The following ZFP90 variants were observed in gnomAD, a reference collection of about 807,000 sequenced individuals.
ZFP90 encodes ZFP90 zinc finger protein, also known as zinc finger protein 90 homolog.
In ZFP90, 38 loss-of-function variants were observed where a neutral mutation model predicts 60.8. The ratio of observed to expected loss-of-function variants is 0.62; its 90% confidence interval spans 0.48 to 0.82. The LOEUF is 0.82. Among genes scored for constraint, ZFP90 ranks in the 40% least tolerant of loss-of-function variants. ZFP90 has a pLI of 0.00. For missense variants in ZFP90, 711 were observed against 759.1 expected (o/e 0.94, Z 0.74); for synonymous variants, 287 against 264.8 (o/e 1.08, Z -0.82).
At chr16:68,559,918 C>G (rs28709879) in intron 4 of ZFP90, among the ~76,000 whole-genome samples, 6,369 of 151,716 alleles carry the variant, frequency 0.042, 419 homozygotes, top group African/African-American at 0.14. Flanking sequence ...ACCCAGGGTG[C>G]AGTGCAGTGT....
rs2091537221 is a variant in ZFP90, at chr16:68,566,926, A to G, written c.*2228A>G. The G allele has an allele frequency of 1.0e-6, 1 of 985,634 alleles. No homozygotes were observed. Among genetic ancestry groups the G allele is most frequent in the African/African-American group, 1.7e-5 (1 of 57,370 alleles). 61.1% of individuals were successfully genotyped at this position (985,634 alleles called of 1,614,324 possible). A position where few individuals can be genotyped will look rare whatever the true frequency, so the allele number is the denominator to read the frequency against. On this transcript the variant is annotated 3_prime_UTR_variant, in exon 5 of 5. Coordinates refer to ENST00000563169, the MANE Select transcript of ZFP90 (RefSeq NM_001305203.2). The stretch of plus-strand genomic sequence containing the variant: ...CTGGTTTGTGTTTGGTGCTTGGCCT[A>G]GATCCAGCCACCACTCTGAAACTCA...
At chr16:68,573,445 C>G (rs1378325708) in intron 2 of ZFP90, among the ~76,000 whole-genome samples, 1 of 152,058 alleles carries the variant, frequency 6.6e-6, no homozygotes, top group African/African-American at 2.4e-5. Flanking sequence ...GCCATTGCAC[C>G]CCAGCCTGGG....
rs145968557 is a variant in ZFP90, at chr16:68,554,294, G to A, written c.34-3704G>A. ...CCGTCACCACGCCTGGCTAATTTTT[G>A]TATTTTTAGTAGAGACGGTTTCATT... is the stretch of plus-strand genomic sequence containing the variant. On this transcript the variant is annotated intron_variant, in intron 2 of 4. Transcript: ENST00000563169. Among the ~76,000 whole-genome samples, 802 of 151,908 alleles carry A rather than the reference G, an allele frequency of 5.3e-3. 3 individuals carry two copies. The highest frequency in any genetic ancestry group is 0.018 in the African/African-American group (731 of 41,458).
At chr16:68,539,611 G>T (rs999022780) in intron 1 of ZFP90, 132 bp downstream of exon 1, 8 of 613,060 alleles carry the variant, frequency 1.3e-5, no homozygotes, top group Non-Finnish European at 1.9e-5. Context: ...TCATTTCGGG[G>T]ATGGGGAGCG....
In ZFP90 at chr16:68,564,048, C is replaced by G. The variant is rs978415362; in HGVS notation, c.1261C>G (p.Pro421Ala). 3 of 1,614,078 alleles carry G rather than the reference C, an allele frequency of 1.9e-6. No homozygotes were observed. The highest frequency in any genetic ancestry group is 2.2e-5 in the South Asian group (2 of 91,070). ...TATGAGGATTCATAAGAGAGGCAAA[C>G]CTTACCAAAGCAGTAACTACAGCAT... The part of the protein sequence containing the change: ...KHMRIHKRGK[P>A]YQSSNYSIDF... The change falls in exon 5 of 5, where the codon CCT (proline) becomes GCT (alanine). Residue 421 changes from proline to alanine, a missense_variant. Pro to Ala is a conservative substitution (Grantham distance 27, BLOSUM62 -1). Transcript: ENST00000563169.
intron 2 of ZFP90, among the ~76,000 whole-genome samples, chr16:68,541,727 A>G (rs1351220705): frequency 1.4e-4 from 22 of 152,216 alleles, no homozygotes; most frequent in Admixed American, 1.4e-3. Context: ...AGAGCACATC[A>G]TGATCGTTAT....
chr16:68,545,398 C>G (rs1015396587), intron 2 of ZFP90, among the ~76,000 whole-genome samples: 1 of 152,164 alleles, frequency 6.6e-6, no homozygotes, highest in Non-Finnish European at 1.5e-5. Flanking sequence ...ATTATATTTT[C>G]CAGTCACAAT....
chr16:68,564,640 T>G lies in ZFP90; in HGVS notation c.1853T>G (p.Phe618Cys). ...PYSCKECGKN[F>C]SRSSALTKHQ... ...TCTTGTAAGGAATGTGGGAAAAACT[T>G]CAGCCGAAGTTCAGCTCTTACTAAA... The change falls in exon 5 of 5, where the codon TTC becomes TGC. Residue 618 changes from phenylalanine to cysteine, a missense_variant. This residue lies in a region of ZFP90 where 295 missense variants were observed against 274.0 expected (regional missense o/e 1.08). Transcript: ENST00000563169. The G allele has an allele frequency of 1.2e-6, 2 of 1,613,998 alleles. No homozygotes were observed. Among genetic ancestry groups the G allele is most frequent in the South Asian group, 1.1e-5 (1 of 91,022 alleles).
intron 2 of ZFP90, among the ~76,000 whole-genome samples, chr16:68,545,999 AC>A (rs2091143669): frequency 6.6e-6 from 1 of 151,448 alleles, no homozygotes; most frequent in African/African-American, 2.4e-5. Context: ...ACATAGTGAA[AC>A]CCCATCTCTA....
intron 4 of ZFP90, among the ~76,000 whole-genome samples, chr16:68,560,995 A>T (rs2091432352): frequency 6.6e-6 from 1 of 152,030 alleles, no homozygotes; most frequent in South Asian, 2.1e-4. Flanking sequence ...CCCGGGTTCA[A>T]GCAATGCTCC....
chr16:68,560,702 A>G (rs2091427523), intron 4 of ZFP90, among the ~76,000 whole-genome samples: 1 of 151,836 alleles, frequency 6.6e-6, no homozygotes, highest in South Asian at 2.1e-4. Flanking sequence ...GACTACAGGC[A>G]CGCACCAACT....
downstream of ZFP90, among the ~76,000 whole-genome samples, chr16:68,568,672 C>T (rs2091551393): frequency 6.6e-6 from 1 of 152,120 alleles, no homozygotes; most frequent in African/African-American, 2.4e-5. Flanking sequence ...AATAGGTTAA[C>T]AATAAGTCAT....
intron 2 of ZFP90, among the ~76,000 whole-genome samples, chr16:68,556,696 G>A (rs969336993): frequency 9.2e-5 from 14 of 152,198 alleles, no homozygotes; most frequent in Non-Finnish European, 1.5e-4. Context: ...AGAAACACAA[G>A]TGTCCTTTTT....
rs905530786 is a variant in ZFP90, at chr16:68,572,654, G to T, written c.224-3137G>T. ...GCCCCTACCCTGCCCCTACAGGGGT[G>T]GGGGACTTGGGCACCAAGAATGAGA... On this transcript the variant is annotated intron_variant, in intron 2 of 2. Coordinates refer to the ZFP90 transcript ENST00000573113. 2.0e-5 allele frequency among the ~76,000 whole-genome samples: 3 copies of T among 152,168 alleles called. No homozygotes were observed. The South Asian group carries it at 6.2e-4, about 32-fold the overall frequency.
rs57664454 is a variant in ZFP90 at position 68,540,828 on chromosome 16, AAAT to A, written c.33+1004_33+1006del. 8.6e-4 allele frequency among the ~76,000 whole-genome samples: 121 copies of A among 141,104 alleles called. 4 individuals carry two copies. The highest frequency in any genetic ancestry group is 2.5e-3 in the East Asian group (13 of 5,166). The allele number at this position is 141,104 out of a possible 152,430, so 92.6% of individuals were successfully genotyped here. A position where few individuals can be genotyped will look rare whatever the true frequency, so the allele number is the denominator to read the frequency against. ...CTCTGCAAAAAAAAAAAAAAAAAAA[AAAT>A]TTAAAAGATAAAAACACCAACTTAG... On this transcript the variant is annotated intron_variant, in intron 2 of 4. Transcript: ENST00000563169.
Position 68,565,687 on chromosome 16 carries a change from A to C in ZFP90, c.*989A>C. 1.0e-6 allele frequency: 1 copy of C among 985,018 alleles called. No individual in the cohort carries two copies. Among genetic ancestry groups the C allele is most frequent in the Non-Finnish European group, 1.2e-6 (1 of 829,876 alleles). The allele number at this position is 985,018 out of a possible 1,614,324, so 61.0% of individuals were successfully genotyped here. A position where few individuals can be genotyped will look rare whatever the true frequency, so the allele number is the denominator to read the frequency against. On this transcript the variant is annotated 3_prime_UTR_variant, in exon 5 of 5. Transcript: ENST00000563169. The stretch of plus-strand genomic sequence containing the variant: ...AGTATCAGATCAATGGGAAAACAAC[A>C]GAAAACTAAGAGGAGAATTTTCCCG...
At chr16:68,537,462 C>A (rs2090969923), upstream of ZFP90, among the ~76,000 whole-genome samples, 1 of 152,144 alleles carries the variant, frequency 6.6e-6, no homozygotes, top group East Asian at 1.9e-4. Flanking sequence ...AAGTCACTTG[C>A]CTCAGAGAGG....
intron 2 of ZFP90, among the ~76,000 whole-genome samples, chr16:68,542,236 G>C (rs1405809263): frequency 1.3e-5 from 2 of 152,194 alleles, no homozygotes; most frequent in Admixed American, 1.3e-4. Context: ...GCTTGGAGTT[G>C]AGAGGGACCA....
chr16:68,562,671 G>A (rs1439041063), intron 4 of ZFP90: 3 of 299,772 alleles, frequency 1.0e-5, no homozygotes, highest in Non-Finnish European at 1.9e-5. Flanking sequence ...GATATATTAG[G>A]AAGACAGATT....
Sources: gnomAD v4.1 joint callset for allele counts (sites outside exome capture counted in the v4.1 genomes callset) on GRCh38, gnomAD v4.1.1 for gene constraint, gnomAD v4.1.1 regional missense constraint, MANE v1.5 for transcripts, NCBI Gene and HGNC (gene_info 2026-07-23, HGNC 2026-07-21) for gene names.